RNF130: variants seen among roughly 807,000 people sequenced by gnomAD.
RNF130 encodes ring finger protein 130.
RNF130 carries 21 observed loss-of-function variants against 44.6 expected under a neutral mutation model. The ratio of observed to expected loss-of-function variants is 0.47; its 90% CI spans 0.33 to 0.68. RNF130 has a LOEUF of 0.68. Ranked by LOEUF, RNF130 falls within the 30% of genes least tolerant of loss-of-function variation. RNF130 has a pLI of 0.02. For synonymous variants in RNF130, 214 were observed against 210.4 expected (o/e 1.02, Z -0.15); for missense variants, 479 against 560.6 (o/e 0.85, Z 1.47).
At chr5:179,926,805 G>T (rs1373998384) in intron 7 of RNF130, among the ~76,000 whole-genome samples, 1 of 152,238 alleles carries the variant, frequency 6.6e-6, no homozygotes, top group Non-Finnish European at 1.5e-5. Context: ...GGCATTGGAC[G>T]TGGAGACAGT....
intron 2 of RNF130, among the ~76,000 whole-genome samples, chr5:180,036,952 T>C (rs951280055): frequency 1.3e-5 from 2 of 152,232 alleles, no homozygotes; most frequent in Admixed American, 1.3e-4. Flanking sequence ...TAATCTTATG[T>C]ATGTTTTTCT....
rs937801388 is a variant in RNF130 at position 179,931,410 on chromosome 5, CTTTTTTG to C, written c.1151-10991_1151-10985del. Among the ~76,000 whole-genome samples, 10 of 152,076 alleles carry C rather than the reference CTTTTTTG, an allele frequency of 6.6e-5. No individual in the cohort carries two copies. The South Asian group carries it at 8.3e-4, about 13-fold the overall frequency. ...TTTTGTGTGTGTGCTTTAAGTGTAGCTTTTTTGTTTTTTGTTTTTTTTCTTTTTTGTT... is the reference window on the plus strand; with the variant it reads ...TTTTGTGTGTGTGCTTTAAGTGTAGCTTTTTTGTTTTTTTTCTTTTTTGTT... On this transcript the variant is annotated intron_variant, in intron 7 of 7. Coordinates refer to the RNF130 transcript ENST00000522208.
chr5:179,943,715 A>C (rs1334528573), intron 7 of RNF130, among the ~76,000 whole-genome samples: 2 of 152,222 alleles, frequency 1.3e-5, no homozygotes, highest in African/African-American at 4.8e-5. Context: ...CCCAAAGCCA[A>C]GTTATCTTTC....
chr5:179,981,203 G>A (rs1762829487), intron 3 of RNF130, among the ~76,000 whole-genome samples: 1 of 152,144 alleles, frequency 6.6e-6, no homozygotes, highest in Admixed American at 6.5e-5. Context: ...GTGAGCATCT[G>A]CTTTCCTGTT....
intron 3 of RNF130, among the ~76,000 whole-genome samples, chr5:179,997,518 C>T (rs542325337): frequency 1.3e-4 from 20 of 152,112 alleles, no homozygotes; most frequent in African/African-American, 2.2e-4. Flanking sequence ...TTAGTAGAGA[C>T]GGGGTTTCAC....
At chr5:179,992,332 G>A (rs11748441) in intron 3 of RNF130, among the ~76,000 whole-genome samples, 30,699 of 151,882 alleles carry the variant, frequency 0.2, 3,322 homozygotes, top group Middle Eastern at 0.25. Flanking sequence ...TAGTAGAGAC[G>A]GGGTTTCACC....
intron 1 of RNF130, among the ~76,000 whole-genome samples, chr5:180,043,239 C>A (rs533710330): frequency 6.6e-6 from 1 of 152,320 alleles, no homozygotes; most frequent in African/African-American, 2.4e-5. Context: ...ATGGGAGGAT[C>A]GCTTGAGCCC....
chr5:179,912,389 T>A (rs1761479055), exon 8 of RNF130: 1 of 152,374 alleles, frequency 6.6e-6, no homozygotes, highest in Middle Eastern at 3.4e-3. Context: ...GTTTTTGTAA[T>A]CACACGGGAC....
Position 180,060,803 on chromosome 5 carries a change from C to T in RNF130, c.247+10653G>A, listed in dbSNP as rs552550601. Among the ~76,000 whole-genome samples the T allele has an allele frequency of 3.3e-4, 50 of 152,272 alleles. 1 individual carries two copies. In the South Asian group the frequency reaches 8.5e-3, roughly 26 times the overall value. ...GAAGATACAGAAAGCTATGTTCGGC[C>T]GGGCGCCTGTAATCCCAGCACTTTG... On this transcript the variant is annotated intron_variant, in intron 1 of 8. Transcript: ENST00000521389.
intron 5 of RNF130, among the ~76,000 whole-genome samples, chr5:179,973,059 C>A (rs900159522): frequency 6.6e-6 from 1 of 152,138 alleles, no homozygotes; most frequent in Non-Finnish European, 1.5e-5. Context: ...TATTTTTGGT[C>A]TTTAAAAAAA....
intron 7 of RNF130, chr5:179,963,832 CA>C: frequency 2.3e-6 from 1 of 429,124 alleles, no homozygotes; most frequent in Non-Finnish European, 4.2e-6. Context: ...GTGTAGCCAC[CA>C]AAAAGTGTGC....
At chr5:180,054,354 T>C (rs991393669) in intron 1 of RNF130, among the ~76,000 whole-genome samples, 1 of 152,218 alleles carries the variant, frequency 6.6e-6, no homozygotes, top group East Asian at 1.9e-4. Context: ...ATGCAAAGAA[T>C]TCCTTCCACC....
intron 1 of RNF130, among the ~76,000 whole-genome samples, chr5:180,059,140 TC>T (rs1047841171): frequency 5.3e-5 from 8 of 152,172 alleles, no homozygotes; most frequent in Admixed American, 6.5e-5. Context: ...CCTTTCAAAT[TC>T]CACAAGTACA....
At chr5:179,924,332 C>T (rs1244791465) in intron 7 of RNF130, among the ~76,000 whole-genome samples, 1 of 149,674 alleles carries the variant, frequency 6.7e-6, no homozygotes, top group African/African-American at 2.5e-5. Context: ...CCTGTCTCTA[C>T]TAAAAACACA....
intron 3 of RNF130, among the ~76,000 whole-genome samples, chr5:179,987,518 T>C (rs549634443): frequency 6.6e-5 from 10 of 152,342 alleles, no homozygotes; most frequent in African/African-American, 2.4e-4. Context: ...TCCAGCACTA[T>C]GTGGAACAGA....
chr5:179,962,002 A>G (rs1464541997), intron 8 of RNF130, among the ~76,000 whole-genome samples: 1 of 152,222 alleles, frequency 6.6e-6, no homozygotes, highest in Non-Finnish European at 1.5e-5. Flanking sequence ...TTATCTGTTT[A>G]TGAATGACTA....
chr5:180,070,146 T>G (rs755675298), intron 1 of RNF130, among the ~76,000 whole-genome samples: 5 of 152,238 alleles, frequency 3.3e-5, no homozygotes, highest in Non-Finnish European at 5.9e-5. Flanking sequence ...CCATTGTTAG[T>G]TGCCAGTCTG....
At chr5:180,063,993 T>G (rs183258339) in intron 1 of RNF130, among the ~76,000 whole-genome samples, 353 of 152,274 alleles carry the variant, frequency 2.3e-3, no homozygotes, top group African/African-American at 7.9e-3. Flanking sequence ...AATCACACTG[T>G]GCCCAATTCC....
chr5:180,006,838 T>C (rs1763472488), intron 3 of RNF130, among the ~76,000 whole-genome samples: 2 of 152,308 alleles, frequency 1.3e-5, no homozygotes, highest in South Asian at 2.1e-4. Flanking sequence ...TAACTATCAG[T>C]GACTTAATTT....
Sources: gnomAD v4.1 joint callset for allele counts (sites outside exome capture counted in the v4.1 genomes callset) on GRCh38, gnomAD v4.1.1 for gene constraint, MANE v1.5 for transcripts, NCBI Gene and HGNC (gene_info 2026-07-23, HGNC 2026-07-21) for gene names.